The following MRPL44 variants were observed in gnomAD, a reference collection of about 807,000 sequenced individuals.
MRPL44 encodes the protein mitochondrial ribosomal protein L44, also known as large ribosomal subunit protein mL44.
In MRPL44, 21 loss-of-function variants were observed where a neutral mutation model predicts 25.9. That is an observed-to-expected ratio of 0.81 (90% confidence interval 0.58 to 1.17). The LOEUF is 1.17. MRPL44 is among the 50% of genes most tolerant of loss of function. The pLI is 0.00. For synonymous variants in MRPL44, 169 were observed against 151.0 expected, an observed-to-expected ratio of 1.12 and a Z score of -0.87; for missense variants, 410 against 398.9, an observed-to-expected ratio of 1.03 and a Z score of -0.24.
At chr2:223,962,136 C>T (rs1315609321) in intron 2 of MRPL44, among the ~76,000 whole-genome samples, 1 of 152,090 alleles carries the variant, frequency 6.6e-6, no homozygotes, top group Non-Finnish European at 1.5e-5. Flanking sequence ...GTGCTCAAGC[C>T]ATCCTCCTAT....
chr2:223,956,928 T>G (rs73992131), upstream of MRPL44, among the ~76,000 whole-genome samples: 8,348 of 152,242 alleles, frequency 0.055, 782 homozygotes, highest in African/African-American at 0.19. Flanking sequence ...TTAGATTGCT[T>G]TTAAAGAAAA....
At chr2:223,951,332 GGTGGT>G in the MRPL44 span, among the ~76,000 whole-genome samples, 1 of 152,190 alleles carries the variant, frequency 6.6e-6, no homozygotes, top group Non-Finnish European at 1.5e-5. Flanking sequence ...TTGAGGAACA[GGTGGT>G]GTTTGGCTAC....
chr2:223,967,199 G>C lies in MRPL44; in HGVS notation c.*165G>C, dbSNP rs1400026029. The C allele has an allele frequency of 1.1e-5, 8 of 718,002 alleles. No homozygotes were observed. The highest frequency in any genetic ancestry group is 1.7e-5 in the Non-Finnish European group (8 of 473,252). 44.5% of individuals were successfully genotyped at this position (718,002 alleles called of 1,614,324 possible). ...GTGTTAACCAAGTCACAGTGTTTTT[G>C]GTTTTGTTTTTCTGAAATCTTGGTT... On this transcript the variant is annotated 3_prime_UTR_variant, in exon 4 of 4. Transcript: ENST00000258383.
upstream of MRPL44, among the ~76,000 whole-genome samples, chr2:223,954,089 G>A (rs557901851): frequency 3.1e-4 from 47 of 152,284 alleles, no homozygotes; most frequent in Non-Finnish European, 5.4e-4. Flanking sequence ...CTTAATGACA[G>A]GAAAGGGGAT....
At chr2:223,957,792 C>A in intron 1 of MRPL44, 141 bp downstream of exon 1, 1 of 1,017,184 alleles carries the variant, frequency 9.8e-7, no homozygotes, top group Non-Finnish European at 1.4e-6. Flanking sequence ...GAGCTGTGGG[C>A]GCGGGGCCTG....
chr2:223,960,058 T>G, intron 2 of MRPL44, 56 bp downstream of exon 2: 3 of 1,368,760 alleles, frequency 2.2e-6, no homozygotes, highest in Non-Finnish European at 3.0e-6. Flanking sequence ...AATATTCTTT[T>G]GTAATTCACT....
chr2:223,958,243 T>C (rs1689601720), intron 1 of MRPL44, among the ~76,000 whole-genome samples: 1 of 152,232 alleles, frequency 6.6e-6, no homozygotes, highest in Admixed American at 6.5e-5. Flanking sequence ...GTCATGGTAT[T>C]ACAAAGATAT....
Position 223,967,103 on chromosome 2 carries a change from A to C in MRPL44, c.*69A>C. On this transcript the variant is annotated 3_prime_UTR_variant, in exon 4 of 4. Coordinates refer to ENST00000258383, the MANE Select transcript of MRPL44 (RefSeq NM_022915.5). ...ATAAATGTCAAAGGTGTTTCAAGCC[A>C]GACATTTTCACAATTGTGAAGAAAT... The C allele has an allele frequency of 7.2e-7, 1 of 1,389,242 alleles. No homozygotes were observed. The highest frequency in any genetic ancestry group is 9.7e-7 in the Non-Finnish European group (1 of 1,031,036). 86.1% of individuals were successfully genotyped at this position (1,389,242 alleles called of 1,614,324 possible).
chr2:223,967,244 T>C lies in MRPL44; in HGVS notation c.*210T>C, dbSNP rs762405120. ...TTGGTTTGATCAAATCTTTTTTTTT[T>C]TCTCTTGAGATGGAGTCTTACTCTG... On this transcript the variant is annotated 3_prime_UTR_variant, in exon 4 of 4. Coordinates refer to ENST00000258383, the MANE Select transcript of MRPL44 (RefSeq NM_022915.5). 5.5e-6 allele frequency: 3 copies of C among 541,932 alleles called. No individual in the cohort carries two copies. The highest frequency in any genetic ancestry group is 2.7e-5 in the South Asian group (1 of 36,774). The allele number at this position is 541,932 out of a possible 1,614,324, so 33.6% of individuals were successfully genotyped here.
At chr2:223,955,329 C>A (rs914807132), upstream of MRPL44, among the ~76,000 whole-genome samples, 1 of 152,128 alleles carries the variant, frequency 6.6e-6, no homozygotes, top group African/African-American at 2.4e-5. Context: ...TAGTAATTTT[C>A]ATTCTATGGT....
chr2:223,961,849 G>A (rs1689664728), intron 2 of MRPL44, among the ~76,000 whole-genome samples: 1 of 152,162 alleles, frequency 6.6e-6, no homozygotes. Context: ...AAGAAAAATT[G>A]AGCTTTCTTT....
the MRPL44 span, among the ~76,000 whole-genome samples, chr2:223,952,339 A>G: frequency 6.6e-6 from 1 of 152,134 alleles, no homozygotes; most frequent in Non-Finnish European, 1.5e-5. Flanking sequence ...CTCAACAGGC[A>G]GTCTCTGTGG....
chr2:223,965,709 A>G (rs1689729404), intron 3 of MRPL44: 1 of 152,204 alleles, frequency 6.6e-6, no homozygotes, highest in South Asian at 2.1e-4. Flanking sequence ...GAATACCTAC[A>G]TTAGATTTAT....
At chr2:223,958,884 T>C (rs1689612191) in intron 1 of MRPL44, among the ~76,000 whole-genome samples, 1 of 152,248 alleles carries the variant, frequency 6.6e-6, no homozygotes, top group South Asian at 2.1e-4. Flanking sequence ...GCAATATATG[T>C]ACCTTAATTT....
chr2:223,953,626 A>G (rs1160940198), upstream of MRPL44, among the ~76,000 whole-genome samples: 2 of 152,228 alleles, frequency 1.3e-5, no homozygotes, highest in Non-Finnish European at 2.9e-5. Flanking sequence ...GCTTTTGGAC[A>G]TGCTTCGTCT....
upstream of MRPL44, among the ~76,000 whole-genome samples, chr2:223,954,567 T>G (rs908529783): frequency 6.6e-6 from 1 of 152,200 alleles, no homozygotes; most frequent in African/African-American, 2.4e-5. Context: ...CTAAGACAGC[T>G]CATTCATTCA....
chr2:223,960,528 T>C (rs1160662745), intron 2 of MRPL44, among the ~76,000 whole-genome samples: 2 of 152,212 alleles, frequency 1.3e-5, no homozygotes, highest in Non-Finnish European at 2.9e-5. Context: ...TCCTCTGCCA[T>C]TGGATGAAAA....
At chr2:223,957,374 T>A (rs1689581448), upstream of MRPL44, 2 of 1,497,982 alleles carry the variant, frequency 1.3e-6, no homozygotes, top group Non-Finnish European at 1.8e-6. Context: ...CGCCCCAGCC[T>A]TCTCTTCGCG....
At chr2:223,966,323 T>C (rs2106120266) in intron 3 of MRPL44, among the ~76,000 whole-genome samples, 1 of 152,250 alleles carries the variant, frequency 6.6e-6, no homozygotes, top group South Asian at 2.1e-4. Flanking sequence ...TTCTTATTTG[T>C]GTTAAAGTTT....
Sources: gnomAD v4.1 joint callset for allele counts (sites outside exome capture counted in the v4.1 genomes callset) on GRCh38, gnomAD v4.1.1 for gene constraint, MANE v1.5 for transcripts, NCBI Gene and HGNC (gene_info 2026-07-23, HGNC 2026-07-21) for gene names.